Variants in TRPM8 observed in about 807,000 individuals in gnomAD.
TRPM8 encodes TRPM8 cationic channel.
TRPM8 carries 110 observed loss-of-function variants against 133.7 expected under a neutral mutation model. The observed-to-expected ratio is 0.82, with a 90% CI of 0.70 to 0.96. The LOEUF (loss-of-function observed/expected upper bound fraction) is 0.96, where lower values mean the gene tolerates loss of function less well. Ranked by LOEUF, TRPM8 falls within the 40% of genes least tolerant of loss-of-function variation. The probability of loss-of-function intolerance (pLI) is 0.00; values close to 1 mark genes in which losing one functional copy is unlikely to be tolerated. For missense variants in TRPM8, 1,291 were observed against 1,379.5 expected (o/e 0.94, Z 1.02); for synonymous variants, 535 against 532.3 (o/e 1.01, Z -0.07).
In TRPM8 at chr2:233,947,264, G is replaced by C. The variant is rs1574711870; in HGVS notation, c.942+109G>C. The C allele has an allele frequency of 2.6e-6, 4 of 1,559,856 alleles. No homozygotes were observed. In the East Asian group the frequency reaches 9.5e-5, roughly 37 times the overall value. On this transcript the variant is annotated intron_variant, in intron 8 of 25. Transcript: ENST00000324695. ...ATCTAACCTAATTGATTTTACTGCA[G>C]CAAGTAGGTAGTGTTTTCCCTCCAC...
At chr2:233,972,661 G>A (rs913412678) in intron 17 of TRPM8, among the ~76,000 whole-genome samples, 3 of 152,212 alleles carry the variant, frequency 2.0e-5, no homozygotes, top group African/African-American at 7.2e-5. Context: ...CAGCGCCGGT[G>A]GGCCGGCACT....
chr2:233,945,874 T>C lies in TRPM8; in HGVS notation c.718T>C (p.Tyr240His). 2 of 1,613,942 alleles carry C rather than the reference T, an allele frequency of 1.2e-6. No individual in the cohort carries two copies. Among genetic ancestry groups the C allele is most frequent in the Non-Finnish European group, 1.7e-6 (2 of 1,179,828 alleles). Reference sequence around the variant, plus strand: ...TTTTCAGGGCTATTTTTTAGCCCAGTACCTTATGGATGACTTCACAAGAGA... The same window carrying C: ...TTTTCAGGGCTATTTTTTAGCCCAGCACCTTATGGATGACTTCACAAGAGA... ...CDAEGYFLAQYLMDDFTRDPL... is the reference protein window; with the variant it reads ...CDAEGYFLAQHLMDDFTRDPL... Residue 240 changes from tyrosine to histidine, a missense_variant, in exon 7 of 26, where the codon TAC becomes CAC. Tyr to His is a moderately conservative substitution (Grantham distance 83). Coordinates refer to ENST00000324695, the MANE Select transcript of TRPM8 (RefSeq NM_024080.5).
At chr2:233,982,998 G>T in intron 19 of TRPM8, 55 bp from the exon 20 acceptor site, 2 of 1,573,460 alleles carry the variant, frequency 1.3e-6, no homozygotes, top group Non-Finnish European at 1.7e-6. Flanking sequence ...GGGCCGGGGG[G>T]ACTTGCCAAC....
chr2:233,948,532 C>T (rs569786100), intron 8 of TRPM8, among the ~76,000 whole-genome samples: 1 of 152,300 alleles, frequency 6.6e-6, no homozygotes, highest in South Asian at 2.1e-4. Context: ...GAGAAAAAGT[C>T]ATTGAAATAT....
chr2:233,939,308 T>C, intron 5 of TRPM8, 133 bp downstream of exon 5: 1 of 986,854 alleles, frequency 1.0e-6, no homozygotes. Flanking sequence ...ATCGTTATCT[T>C]ATTGAAAGCC....
At position 233,938,980 on chromosome 2, in the gene TRPM8, C is replaced by T; in HGVS notation, c.349-18C>T. On this transcript the variant is annotated intron_variant, in intron 4 of 25. Coordinates refer to ENST00000324695, the MANE Select transcript of TRPM8 (RefSeq NM_024080.5). ...AGAACACAGGCCTATCCTGATACTT[C>T]TGCTTCTCTCCCCATAGTATATACG... The T allele has an allele frequency of 1.2e-6, 2 of 1,613,770 alleles. No individual in the cohort carries two copies. Among genetic ancestry groups the T allele is most frequent in the Non-Finnish European group, 1.7e-6 (2 of 1,179,776 alleles).
chr2:233,980,627 C>A (rs1691982922), intron 18 of TRPM8, among the ~76,000 whole-genome samples: 1 of 152,132 alleles, frequency 6.6e-6, no homozygotes, highest in South Asian at 2.1e-4. Flanking sequence ...CTCAGCCTCC[C>A]AAAGTGTTGG....
At chr2:233,963,211 C>A in intron 12 of TRPM8, 71 bp from the exon 13 acceptor site, 2 of 983,302 alleles carry the variant, frequency 2.0e-6, no homozygotes, top group Non-Finnish European at 3.1e-6. Flanking sequence ...ACATGGGCTA[C>A]TCTCCTAGGG....
At chr2:233,964,788 G>T in intron 14 of TRPM8, 31 bp downstream of exon 14, 2 of 1,573,860 alleles carry the variant, frequency 1.3e-6, no homozygotes, top group Non-Finnish European at 1.7e-6. Context: ...GCTGTGGTGG[G>T]CGCGGATCTG....
intron 24 of TRPM8, among the ~76,000 whole-genome samples, chr2:234,011,126 G>T (rs1692826703): frequency 6.6e-6 from 1 of 152,148 alleles, no homozygotes; most frequent in Non-Finnish European, 1.5e-5. Context: ...TTAAGCCTTT[G>T]ATCCATTTTG....
At chr2:234,011,685 G>A (rs113115019) in intron 24 of TRPM8, among the ~76,000 whole-genome samples, 3 of 151,930 alleles carry the variant, frequency 2.0e-5, no homozygotes, top group Non-Finnish European at 2.9e-5. Flanking sequence ...TTGGGAGGCC[G>A]AGGCAGGTGG....
chr2:233,983,014 G>T (rs201555464), intron 19 of TRPM8, 39 bp from the exon 20 acceptor site: 78 of 1,587,132 alleles, frequency 4.9e-5, no homozygotes, highest in Non-Finnish European at 6.4e-5. Flanking sequence ...CCAACTGTGG[G>T]CACGGTCCTG....
intron 1 of TRPM8, among the ~76,000 whole-genome samples, chr2:233,920,078 T>A (rs6709005): frequency 5.3e-5 from 8 of 151,908 alleles, no homozygotes; most frequent in Admixed American, 4.6e-4. Context: ...TCACTGCAGA[T>A]GTCTCATGCT....
chr2:233,963,373 A>G lies in TRPM8; in HGVS notation c.1745A>G (p.Glu582Gly). ...NKKELSKVIW[E>G]QTRGCTLAAL... ...AAGGAACTCTCCAAAGTCATTTGGG[A>G]GCAGGTAAGTGCCCAAGCCCACATC... is the stretch of plus-strand genomic sequence containing the variant. The change falls in exon 13 of 26, where the codon GAG becomes GGG. Residue 582 changes from glutamate (E) to glycine (G), a missense_variant. Glu to Gly is a moderately conservative substitution (Grantham distance 98). Around this residue, in one of 2 missense-constraint regions of TRPM8, gnomAD observed 963 missense variants for 968.9 expected, o/e 0.99. Coordinates refer to ENST00000324695, the MANE Select transcript of TRPM8 (RefSeq NM_024080.5). 1.2e-6 allele frequency: 2 copies of G among 1,603,988 alleles called. No homozygotes were observed. The highest frequency in any genetic ancestry group is 1.7e-6 in the Non-Finnish European group (2 of 1,171,880).
intron 16 of TRPM8, 32 bp downstream of exon 16, chr2:233,969,839 T>G: frequency 7.3e-7 from 1 of 1,367,932 alleles, no homozygotes; most frequent in Non-Finnish European, 1.0e-6. Flanking sequence ...CGTGTGTGAG[T>G]GTGTGTGCCA....
intron 22 of TRPM8, among the ~76,000 whole-genome samples, chr2:233,999,555 T>C (rs1273046025): frequency 6.6e-6 from 1 of 151,328 alleles, no homozygotes; most frequent in Non-Finnish European, 1.5e-5. Context: ...CCTACCACTC[T>C]AGGCATCACT....
chr2:233,995,250 A>C (rs1227787872), intron 21 of TRPM8, among the ~76,000 whole-genome samples: 1 of 152,158 alleles, frequency 6.6e-6, no homozygotes, highest in African/African-American at 2.4e-5. Flanking sequence ...TACATCAGAG[A>C]GTTGTTTGTA....
At chr2:233,975,791 A>C (rs1484820169) in intron 17 of TRPM8, among the ~76,000 whole-genome samples, 2 of 152,228 alleles carry the variant, frequency 1.3e-5, no homozygotes, top group African/African-American at 4.8e-5. Context: ...CTGAGGCAGT[A>C]GAATCGCTTG....
At chr2:233,972,326 G>C (rs1024268479) in intron 17 of TRPM8, among the ~76,000 whole-genome samples, 1 of 152,260 alleles carries the variant, frequency 6.6e-6, no homozygotes, top group African/African-American at 2.4e-5. Flanking sequence ...ACAGAGTGAC[G>C]ATTGGTGTAT....
Sources: allele counts gnomAD v4.1 joint callset (sites outside exome capture counted in the v4.1 genomes callset), GRCh38; gene constraint gnomAD v4.1.1; regional missense constraint gnomAD v4.1.1; transcripts MANE v1.5; gene names NCBI Gene and HGNC (gene_info 2026-07-23, HGNC 2026-07-21).